Variants in POTEC observed in about 807,000 individuals in gnomAD.
The protein encoded by POTEC is ANKRD26-like family B member 2.
In POTEC, 35 loss-of-function variants were observed where a neutral mutation model predicts 62.0. The observed-to-expected ratio is 0.56, with a 90% confidence interval of 0.43 to 0.75. POTEC has a LOEUF of 0.75. POTEC is among the 30% of genes least tolerant of loss of function. The pLI is 0.00. For synonymous variants in POTEC, 156 were observed against 221.5 expected, an observed-to-expected ratio of 0.70 and a Z score of 2.62; for missense variants, 472 against 655.9, an observed-to-expected ratio of 0.72 and a Z score of 3.06.
At chr18:14,535,326 G>A (rs115367686) in intron 3 of POTEC, among the ~76,000 whole-genome samples, 54,799 of 142,258 alleles carry the variant, frequency 0.39, 11,791 homozygotes, top group African/African-American at 0.57. Context: ...TCTTGAGGGC[G>A]GGGGCTGTAT....
chr18:14,529,264 T>C (rs1257016178), intron 6 of POTEC, among the ~76,000 whole-genome samples: 2 of 152,100 alleles, frequency 1.3e-5, no homozygotes, highest in African/African-American at 2.4e-5. Context: ...GTATTTTTAA[T>C]TGTGTGTGTT....
At position 14,540,295 on chromosome 18, in the gene POTEC, GC is replaced by G. The variant is rs1905888415; in HGVS notation, c.522-2047del. ...GAAATTATTTGTATCTATGCAAGTA[GC>G]ATATTCCTTCTCTTCCCAAGTATTA... On this transcript the variant is annotated intron_variant, in intron 1 of 10. Transcript: ENST00000358970. Among the ~76,000 whole-genome samples the G allele has an allele frequency of 2.0e-5, 3 of 152,226 alleles. No homozygotes were observed. The South Asian group carries it at 6.2e-4, about 32-fold the overall frequency.
chr18:14,520,989 T>C (rs962727143), intron 9 of POTEC, among the ~76,000 whole-genome samples: 1 of 152,028 alleles, frequency 6.6e-6, no homozygotes, highest in African/African-American at 2.4e-5. Flanking sequence ...TAAATATATA[T>C]AGTCCACAAA....
rs1464292582 is a variant in POTEC at position 14,543,078 on chromosome 18, C to G, written c.69G>C (p.Lys23Asn). ...AGCGGTGGTGAAACCACTTGCCCAT[C>G]TTGCTCCTGAGATCGAATGGCTTCT... ...AVKKPFDLRS[K>N]MGKWFHHRFP... The change falls in exon 1 of 11, where the codon AAG becomes AAC. Residue 23 changes from lysine to asparagine, a missense_variant. Around this residue, in one of 5 missense-constraint regions of POTEC, gnomAD observed 257 missense variants for 250.7 expected, o/e 1.03. Coordinates refer to ENST00000358970, the MANE Select transcript of POTEC (RefSeq NM_001137671.2). 1 of 1,613,046 alleles carries G rather than the reference C, an allele frequency of 6.2e-7. No individual in the cohort carries two copies. Among genetic ancestry groups the G allele is most frequent in the Non-Finnish European group, 8.5e-7 (1 of 1,179,900 alleles).
rs1290556058 is a variant in POTEC at position 14,507,378 on chromosome 18, G to C, written c.*4520C>G. ...AATCTTTATTGGTATAGTCTGTTTT[G>C]TCAGAAACTAGGAGTGCAACACCTG... On this transcript the variant is annotated 3_prime_UTR_variant, in exon 11 of 11. Coordinates refer to ENST00000358970, the MANE Select transcript of POTEC (RefSeq NM_001137671.2). 6.7e-6 allele frequency: 1 copy of C among 148,608 alleles called. No individual in the cohort carries two copies. The highest frequency in any genetic ancestry group is 6.8e-5 in the Admixed American group (1 of 14,802). 9.2% of individuals were successfully genotyped at this position (148,608 alleles called of 1,614,324 possible). A position where few individuals can be genotyped will look rare whatever the true frequency, so the allele number is the denominator to read the frequency against.
chr18:14,522,460 A>T, intron 8 of POTEC, 40 bp from the exon 9 acceptor site: 1 of 1,422,598 alleles, frequency 7.0e-7, no homozygotes, highest in South Asian at 1.4e-5. Flanking sequence ...TTATCACTTT[A>T]TTGAATAAAA....
intron 6 of POTEC, among the ~76,000 whole-genome samples, chr18:14,527,007 TTATAA>T (rs1172978942): frequency 6.6e-6 from 1 of 152,130 alleles, no homozygotes; most frequent in African/African-American, 2.4e-5. Flanking sequence ...GTCATAGAAA[TTATAA>T]TAAATCACTT....
intron 9 of POTEC, among the ~76,000 whole-genome samples, 192 bp from the exon 10 acceptor site, chr18:14,513,977 A>G (rs45618136): frequency 0.066 from 10,096 of 152,130 alleles, 363 homozygotes; most frequent in Middle Eastern, 0.12. Flanking sequence ...TTTGTGGAAG[A>G]TAATTTTTCC....
chr18:14,525,144 T>G (rs564155240), intron 6 of POTEC, among the ~76,000 whole-genome samples, 161 bp from the exon 7 acceptor site: 2 of 152,070 alleles, frequency 1.3e-5, no homozygotes, highest in African/African-American at 4.8e-5. Context: ...TCTCCAAAAC[T>G]TCAACAAACC....
chr18:14,539,132 A>C (rs987132520), intron 1 of POTEC, among the ~76,000 whole-genome samples: 6 of 152,144 alleles, frequency 3.9e-5, no homozygotes, highest in African/African-American at 1.4e-4. Context: ...TCAAATGAAT[A>C]GCATGGGCTC....
At chr18:14,519,125 T>C (rs1424654797) in intron 9 of POTEC, among the ~76,000 whole-genome samples, 3 of 152,052 alleles carry the variant, frequency 2.0e-5, no homozygotes, top group Non-Finnish European at 2.9e-5. Flanking sequence ...CAAGATTTAC[T>C]GAGAGATTAG....
Position 14,510,540 on chromosome 18 carries a change from C to T in POTEC, c.*1358G>A, listed in dbSNP as rs1401628397. ...TGGTATGCTGGGGGTCCACTCCAGT[C>T]GCCAATTGCCTCGTATTTTCCAGTG... On this transcript the variant is annotated 3_prime_UTR_variant, in exon 11 of 11. Transcript: ENST00000358970. The T allele has an allele frequency of 2.0e-5, 3 of 151,980 alleles. No individual in the cohort carries two copies. Among genetic ancestry groups the T allele is most frequent in the Non-Finnish European group, 2.9e-5 (2 of 68,000 alleles). The allele number at this position is 151,980 out of a possible 1,614,324, so 9.4% of individuals were successfully genotyped here. A position where few individuals can be genotyped will look rare whatever the true frequency, so the allele number is the denominator to read the frequency against.
At chr18:14,539,204 T>G (rs1015100140) in intron 1 of POTEC, among the ~76,000 whole-genome samples, 4 of 151,886 alleles carry the variant, frequency 2.6e-5, no homozygotes, top group African/African-American at 9.7e-5. Context: ...ATCATTCATA[T>G]TAGGATTTAA....
intron 10 of POTEC, among the ~76,000 whole-genome samples, chr18:14,513,096 A>G (rs887459724): frequency 2.0e-5 from 3 of 152,100 alleles, no homozygotes; most frequent in Non-Finnish European, 4.4e-5. Context: ...TTATCAATAA[A>G]TTATCACTAA....
In POTEC at chr18:14,511,932, T is replaced by G; in HGVS notation, c.1595A>C (p.Glu532Ala). 6.2e-7 allele frequency: 1 copy of G among 1,613,882 alleles called. No homozygotes were observed. Among genetic ancestry groups the G allele is most frequent in the Non-Finnish European group, 8.5e-7 (1 of 1,179,834 alleles). Residue 532 changes from glutamate (E) to alanine (A), a missense_variant, in exon 11 of 11, where the codon GAA becomes GCA. Coordinates refer to ENST00000358970, the MANE Select transcript of POTEC (RefSeq NM_001137671.2). ...LLRENSMLQEEIAMLISGDWN is the reference protein window; with the variant it reads ...LLRENSMLQEAIAMLISGDWN ...GTCTCCAGAAATTAGCATGGCAATTTCTTCCTGCAACATGCTGTTTTCACG... is the reference window on the plus strand; with the variant it reads ...GTCTCCAGAAATTAGCATGGCAATTGCTTCCTGCAACATGCTGTTTTCACG...
Position 14,522,247 on chromosome 18 carries a change from G to A in POTEC, c.1409+7C>T, listed in dbSNP as rs753214863. On this transcript the variant is annotated splice_region_variant and intron_variant, in intron 9 of 10. Coordinates refer to ENST00000358970, the MANE Select transcript of POTEC (RefSeq NM_001137671.2). Reference sequence around the variant, plus strand: ...TTATCTCCTATTAAATGTTGCCATAGGCTTACCTGTGATACTCTTCATTCT... The same window carrying A: ...TTATCTCCTATTAAATGTTGCCATAAGCTTACCTGTGATACTCTTCATTCT... 15 of 1,582,642 alleles carry A rather than the reference G, an allele frequency of 9.5e-6. No homozygotes were observed. Among genetic ancestry groups the A allele is most frequent in the East Asian group, 2.2e-5 (1 of 44,754 alleles).
In POTEC at chr18:14,509,598, A is replaced by C. The variant is rs1456771482; in HGVS notation, c.*2300T>G. On this transcript the variant is annotated 3_prime_UTR_variant, in exon 11 of 11. Coordinates refer to ENST00000358970, the MANE Select transcript of POTEC (RefSeq NM_001137671.2). ...TGTGCAGGCTAGTGCGTGGCTGTAGAGGTCACCTTGCTGCAGCTCTCCACT... is the reference window on the plus strand; with the variant it reads ...TGTGCAGGCTAGTGCGTGGCTGTAGCGGTCACCTTGCTGCAGCTCTCCACT... The C allele has an allele frequency of 6.6e-6, 1 of 152,180 alleles. No homozygotes were observed. Among genetic ancestry groups the C allele is most frequent in the African/African-American group, 2.4e-5 (1 of 41,434 alleles). 9.4% of individuals were successfully genotyped at this position (152,180 alleles called of 1,614,324 possible).
intron 1 of POTEC, among the ~76,000 whole-genome samples, chr18:14,539,040 GGTGAAAACAAA>G (rs1905844057): frequency 6.6e-6 from 1 of 151,922 alleles, no homozygotes; most frequent in African/African-American, 2.4e-5. Flanking sequence ...AGAGGGCTGA[GGTGAAAACAAA>G]AACAATTTTC....
chr18:14,523,052 G>C (rs1910350611), intron 8 of POTEC, among the ~76,000 whole-genome samples: 1 of 151,948 alleles, frequency 6.6e-6, no homozygotes, highest in South Asian at 2.1e-4. Context: ...TGCAAGCGTG[G>C]AATTCCAGAA....
Sources: gnomAD v4.1 joint callset for allele counts (sites outside exome capture counted in the v4.1 genomes callset) on GRCh38, gnomAD v4.1.1 for gene constraint, gnomAD v4.1.1 regional missense constraint, MANE v1.5 for transcripts, NCBI Gene and HGNC (gene_info 2026-07-23, HGNC 2026-07-21) for gene names.